PDK1: variants seen among roughly 807,000 people sequenced by gnomAD.
PDK1 encodes [Pyruvate dehydrogenase (acetyl-transferring)] kinase isozyme 1, mitochondrial.
PDK1 carries 39 observed loss-of-function variants against 54.2 expected under a neutral mutation model. The ratio of observed to expected loss-of-function variants is 0.72; its 90% confidence interval spans 0.56 to 0.94. The LOEUF is 0.94. Among genes scored for constraint, PDK1 ranks in the 40% least tolerant of loss-of-function variants. The pLI, the probability that PDK1 is intolerant of heterozygous loss-of-function variation, is 0.00. For synonymous variants in PDK1, 221 were observed against 207.1 expected (o/e 1.07, Z -0.58); for missense variants, 552 against 566.0 (o/e 0.98, Z 0.25).
At chr2:172,578,845 G>C (rs1190503884) in intron 8 of PDK1, among the ~76,000 whole-genome samples, 4 of 152,016 alleles carry the variant, frequency 2.6e-5, no homozygotes, top group Admixed American at 6.6e-5. Flanking sequence ...ACTGGACTGA[G>C]ATTTCCTCAA....
At chr2:172,645,260 C>CTTTTTTTTTTTTTTTT in the PDK1 span, among the ~76,000 whole-genome samples, 19 of 51,144 alleles carry the variant, frequency 3.7e-4, 5 homozygotes, top group East Asian at 7.0e-3. Flanking sequence ...ACAAAATAGG[C>CTTTTTTTTTTTTTTTT]TTTTTTTTTT....
At chr2:172,675,490 G>T in the PDK1 span, among the ~76,000 whole-genome samples, 1 of 152,202 alleles carries the variant, frequency 6.6e-6, no homozygotes, top group Non-Finnish European at 1.5e-5. Flanking sequence ...AGGTTTGAGT[G>T]TTCTGGAGAG....
At chr2:172,569,915 T>G (rs1403192721) in intron 7 of PDK1, among the ~76,000 whole-genome samples, 1 of 152,152 alleles carries the variant, frequency 6.6e-6, no homozygotes, top group Non-Finnish European at 1.5e-5. Context: ...TCCTTGAAAT[T>G]CCAGTGGCAT....
chr2:172,657,872 A>T, the PDK1 span, among the ~76,000 whole-genome samples: 1 of 152,194 alleles, frequency 6.6e-6, no homozygotes. Context: ...TTGGCTCTTG[A>T]TTCTGCAGAC....
the PDK1 span, among the ~76,000 whole-genome samples, chr2:172,704,179 A>T: frequency 1.3e-5 from 2 of 151,974 alleles, no homozygotes; most frequent in African/African-American, 4.8e-5. Flanking sequence ...ATTTATTCTT[A>T]CTGTGCTTGA....
chr2:172,672,844 A>C, the PDK1 span, among the ~76,000 whole-genome samples: 100 of 152,282 alleles, frequency 6.6e-4, 1 homozygote, highest in African/African-American at 2.4e-3. Flanking sequence ...GGAGTATTAT[A>C]GATAAAGAAT....
At chr2:172,686,481 A>G in the PDK1 span, among the ~76,000 whole-genome samples, 2 of 152,150 alleles carry the variant, frequency 1.3e-5, no homozygotes, top group Non-Finnish European at 2.9e-5. Flanking sequence ...ACACTGTAAA[A>G]TGGACCAATC....
the PDK1 span, among the ~76,000 whole-genome samples, chr2:172,617,933 A>G: frequency 1.3e-5 from 2 of 152,230 alleles, no homozygotes; most frequent in African/African-American, 4.8e-5. Context: ...TTCGGCAATA[A>G]CCTATTCCTT....
chr2:172,643,551 G>T, the PDK1 span, among the ~76,000 whole-genome samples: 8 of 152,096 alleles, frequency 5.3e-5, no homozygotes, highest in Admixed American at 4.6e-4. Context: ...GCCTAAGCAG[G>T]CCTCCTCCTT....
At chr2:172,675,810 G>A in the PDK1 span, among the ~76,000 whole-genome samples, 1 of 152,188 alleles carries the variant, frequency 6.6e-6, no homozygotes, top group African/African-American at 2.4e-5. Context: ...TCTATTGGAA[G>A]AAGATGCCAT....
At chr2:172,687,915 T>A in the PDK1 span, among the ~76,000 whole-genome samples, 1 of 152,156 alleles carries the variant, frequency 6.6e-6, no homozygotes, top group Non-Finnish European at 1.5e-5. Context: ...CAGCCATAGA[T>A]TGCAGTTCAG....
At chr2:172,619,382 A>T in the PDK1 span, among the ~76,000 whole-genome samples, 1 of 152,148 alleles carries the variant, frequency 6.6e-6, no homozygotes, top group African/African-American at 2.4e-5. Context: ...AGCTCAGTGG[A>T]CCAGGGGTGG....
chr2:172,654,994 G>A, the PDK1 span, among the ~76,000 whole-genome samples: 1 of 152,142 alleles, frequency 6.6e-6, no homozygotes, highest in Admixed American at 6.6e-5. Flanking sequence ...CTTTCCCCAA[G>A]CCACTACCCC....
chr2:172,703,300 A>G, the PDK1 span, among the ~76,000 whole-genome samples: 28,778 of 152,132 alleles, frequency 0.19, 3,314 homozygotes, highest in African/African-American at 0.32. Flanking sequence ...GCCCAGTGAT[A>G]CTGATTTTGG....
At chr2:172,627,430 A>G in the PDK1 span, among the ~76,000 whole-genome samples, 1 of 152,356 alleles carries the variant, frequency 6.6e-6, no homozygotes, top group East Asian at 1.9e-4. Flanking sequence ...TGTTTAAAGC[A>G]AGCACTGACA....
chr2:172,560,587 G>A (rs1344724009), intron 2 of PDK1, among the ~76,000 whole-genome samples: 3 of 152,164 alleles, frequency 2.0e-5, no homozygotes, highest in Admixed American at 6.5e-5. Context: ...CTGCTATACC[G>A]TGCTATAGTC....
At chr2:172,724,079 A>C in the PDK1 span, 12 of 152,194 alleles carry the variant, frequency 7.9e-5, no homozygotes, top group African/African-American at 2.4e-5. Context: ...TTTTGAGGGA[A>C]TATGTATTCT....
In PDK1 at chr2:172,568,800, G is replaced by A. The variant is rs1689098113; in HGVS notation, c.829G>A (p.Val277Met). 2 of 1,600,102 alleles carry A rather than the reference G, an allele frequency of 1.2e-6. No homozygotes were observed. The highest frequency in any genetic ancestry group is 4.5e-5 in the East Asian group (2 of 44,800). The change falls in exon 7 of 11, where the codon GTG (valine) becomes ATG (methionine). Residue 277 changes from valine (V) to methionine (M), a missense_variant. Transcript: ENST00000282077. ...VYVPSHLYHM[V>M]FELFKNAMRA... ...TGTACCATCCCATCTCTATCACATG[G>A]TGTTTGAACTTTTCAAGGTTTGTAA...
At chr2:172,621,386 A>G in the PDK1 span, among the ~76,000 whole-genome samples, 19 of 152,208 alleles carry the variant, frequency 1.2e-4, no homozygotes, top group African/African-American at 2.9e-4. Flanking sequence ...TCTTTCTCCT[A>G]TGCTGGATGC....
Sources: gnomAD v4.1 joint callset for allele counts (sites outside exome capture counted in the v4.1 genomes callset) on GRCh38, gnomAD v4.1.1 for gene constraint, MANE v1.5 for transcripts, NCBI Gene and HGNC (gene_info 2026-07-23, HGNC 2026-07-21) for gene names.